The following OXR1 variants were observed in gnomAD, a reference collection of about 807,000 sequenced individuals.
The protein encoded by OXR1 is oxidation resistance 1.
OXR1 carries 41 observed loss-of-function variants against 104.6 expected under a neutral mutation model. The observed-to-expected ratio is 0.39, with a 90% CI of 0.31 to 0.51. The LOEUF is 0.51. Ranked by LOEUF, OXR1 falls within the 20% of genes least tolerant of loss-of-function variation. The pLI, the probability that OXR1 is intolerant of heterozygous loss-of-function variation, is 0.77. For missense variants in OXR1, 955 were observed against 1,031.9 expected, an observed-to-expected ratio of 0.93 and a Z score of 1.02; for synonymous variants, 348 against 348.4, an observed-to-expected ratio of 1.00 and a Z score of 0.01.
At chr8:106,474,113 G>A (rs1180380318) in intron 2 of OXR1, among the ~76,000 whole-genome samples, 8 of 148,256 alleles carry the variant, frequency 5.4e-5, no homozygotes, top group Admixed American at 4.7e-4. Flanking sequence ...TGTGGACTAC[G>A]TAATCTAAAG....
At position 106,707,490 on chromosome 8, in the gene OXR1, G is replaced by A. The variant is rs961909563; in HGVS notation, c.1624+345G>A. On this transcript the variant is annotated intron_variant, in intron 9 of 16. Transcript: ENST00000517566. ...TTTTCTCTTAAAAAGTTTTTGGTGT[G>A]TTACCATTAAAAATGTCTTTTTTCA... The A allele has an allele frequency of 1.8e-5, 8 of 433,808 alleles. No homozygotes were observed. The Admixed American group carries it at 3.4e-4, about 18-fold the overall frequency. 26.9% of individuals were successfully genotyped at this position (433,808 alleles called of 1,614,324 possible). A position where few individuals can be genotyped will look rare whatever the true frequency, so the allele number is the denominator to read the frequency against.
chr8:106,349,712 T>C (rs1192516164), intron 1 of OXR1, among the ~76,000 whole-genome samples: 2 of 152,132 alleles, frequency 1.3e-5, no homozygotes, highest in Non-Finnish European at 2.9e-5. Context: ...AGCTTCGATG[T>C]TTCAGCACCC....
chr8:106,707,520 T>C, intron 9 of OXR1: 1 of 367,552 alleles, frequency 2.7e-6, no homozygotes. Context: ...TTTTCATATA[T>C]AACATTTTAA....
chr8:106,385,520 G>A (rs978183561), intron 2 of OXR1, among the ~76,000 whole-genome samples: 3 of 152,116 alleles, frequency 2.0e-5, no homozygotes, highest in Non-Finnish European at 4.4e-5. Flanking sequence ...TGAACACTCA[G>A]TATGTGACAG....
chr8:106,662,787 G>A (rs1586997726), intron 3 of OXR1, among the ~76,000 whole-genome samples: 2 of 152,094 alleles, frequency 1.3e-5, no homozygotes, highest in South Asian at 2.1e-4. Context: ...ATTGGGGGGT[G>A]TAAAATATCA....
At chr8:106,644,243 T>C (rs764953266) in intron 3 of OXR1, among the ~76,000 whole-genome samples, 5 of 152,198 alleles carry the variant, frequency 3.3e-5, no homozygotes, top group Non-Finnish European at 5.9e-5. Flanking sequence ...AAAAGGTAAA[T>C]GAATAGTTTC....
intron 6 of OXR1, among the ~76,000 whole-genome samples, chr8:106,685,414 C>T (rs1487139859): frequency 6.6e-6 from 1 of 152,062 alleles, no homozygotes; most frequent in Non-Finnish European, 1.5e-5. Flanking sequence ...CTTCCTGTTC[C>T]TCGGCTTTAA....
intron 3 of OXR1, among the ~76,000 whole-genome samples, chr8:106,633,894 C>A (rs1432916794): frequency 6.6e-6 from 1 of 152,054 alleles, no homozygotes; most frequent in African/African-American, 2.4e-5. Context: ...GCTTATTAAA[C>A]AAAAGTAAGG....
chr8:106,337,381 G>A (rs1815009505), intron 1 of OXR1, among the ~76,000 whole-genome samples: 1 of 152,198 alleles, frequency 6.6e-6, no homozygotes, highest in Admixed American at 6.5e-5. Context: ...GTAAATGCTT[G>A]ACATTTTATG....
intron 3 of OXR1, chr8:106,522,815 C>A (rs1813357332): frequency 6.6e-6 from 1 of 151,028 alleles, no homozygotes; most frequent in Admixed American, 6.6e-5. Context: ...ATAGAAAGTA[C>A]TGTATAAGTT....
intron 3 of OXR1, among the ~76,000 whole-genome samples, chr8:106,550,258 T>C (rs1041894938): frequency 2.6e-5 from 4 of 152,204 alleles, no homozygotes; most frequent in East Asian, 1.9e-4. Flanking sequence ...AAAAATGTTA[T>C]AGCCACTACT....
intron 3 of OXR1, among the ~76,000 whole-genome samples, chr8:106,539,599 T>G (rs1409983382): frequency 6.6e-6 from 1 of 152,208 alleles, no homozygotes; most frequent in African/African-American, 2.4e-5. Context: ...TGCAGTGGGA[T>G]GTAGTATGAA....
intron 2 of OXR1, among the ~76,000 whole-genome samples, chr8:106,422,740 T>C (rs544549414): frequency 2.0e-4 from 31 of 152,222 alleles, no homozygotes; most frequent in African/African-American, 7.0e-4. Flanking sequence ...TATTTGCAGA[T>C]TCAAAAAAGA....
chr8:106,350,602 G>T (rs527450838), intron 1 of OXR1, among the ~76,000 whole-genome samples: 1 of 152,284 alleles, frequency 6.6e-6, no homozygotes, highest in East Asian at 1.9e-4. Flanking sequence ...AACTGCATTA[G>T]TTTGTCTCCA....
intron 1 of OXR1, among the ~76,000 whole-genome samples, chr8:106,358,875 GTGAA>G (rs1275556391): frequency 9.9e-5 from 15 of 151,678 alleles, no homozygotes; most frequent in East Asian, 3.9e-4. Context: ...AAATAATTTA[GTGAA>G]TAATTTAATT....
intron 11 of OXR1, among the ~76,000 whole-genome samples, chr8:106,733,538 A>G (rs540557674): frequency 6.6e-6 from 1 of 152,194 alleles, no homozygotes; most frequent in South Asian, 2.1e-4. Context: ...TTCATCTCTT[A>G]GCATCTCAGT....
At chr8:106,703,648 A>G (rs1318624933) in intron 8 of OXR1, among the ~76,000 whole-genome samples, 2 of 152,184 alleles carry the variant, frequency 1.3e-5, no homozygotes, top group Non-Finnish European at 2.9e-5. Context: ...TATACTGGTC[A>G]GAGGATTTGT....
chr8:106,316,636 A>G (rs1813950197), intron 1 of OXR1, among the ~76,000 whole-genome samples: 1 of 152,134 alleles, frequency 6.6e-6, no homozygotes, highest in South Asian at 2.1e-4. Flanking sequence ...AACTTAAGTA[A>G]AACATTGGGC....
chr8:106,549,286 C>G lies in OXR1; in HGVS notation c.220+30147C>G, dbSNP rs1231076660. On this transcript the variant is annotated intron_variant, in intron 3 of 16. Transcript: ENST00000517566. ...CAGTTAGCTACATCCTTATCTAGAC[C>G]ATAAGCTCCAGGAAGGCAGGATTTA... Among the ~76,000 whole-genome samples the G allele has an allele frequency of 1.3e-5, 2 of 151,598 alleles. 1 individual carries two copies. Among genetic ancestry groups the G allele is most frequent in the Admixed American group, 1.3e-4 (2 of 15,220 alleles).
Sources: gnomAD v4.1 joint callset for allele counts (sites outside exome capture counted in the v4.1 genomes callset) on GRCh38, gnomAD v4.1.1 for gene constraint, MANE v1.5 for transcripts, NCBI Gene and HGNC (gene_info 2026-07-23, HGNC 2026-07-21) for gene names.